Variants in WDHD1 observed in about 807,000 individuals in gnomAD.
WDHD1 encodes the protein WD repeat and HMG-box DNA binding protein 1, also known as WD repeat and HMG-box DNA-binding protein 1.
A neutral mutation model predicts 135.4 loss-of-function variants in WDHD1; 111 were observed. The observed-to-expected ratio is 0.82, with a 90% confidence interval of 0.70 to 0.96. The LOEUF (loss-of-function observed/expected upper bound fraction) is 0.96, where lower values mean the gene tolerates loss of function less well. Among genes scored for constraint, WDHD1 ranks in the 40% least tolerant of loss-of-function variants. The pLI, the probability that WDHD1 is intolerant of heterozygous loss-of-function variation, is 0.00. For synonymous variants in WDHD1, 434 were observed against 439.0 expected (o/e 0.99, Z 0.14); for missense variants, 1,351 against 1,336.3 (o/e 1.01, Z -0.17).
At chr14:55,006,671 A>G (rs2042075355) in intron 7 of WDHD1, among the ~76,000 whole-genome samples, 1 of 152,184 alleles carries the variant, frequency 6.6e-6, no homozygotes, top group Admixed American at 6.5e-5. Context: ...GTTAGGTACT[A>G]ATGGTGAGAA....
intron 11 of WDHD1, among the ~76,000 whole-genome samples, chr14:54,992,947 T>C (rs866991523): frequency 1.3e-5 from 2 of 151,854 alleles, no homozygotes; most frequent in Non-Finnish European, 2.9e-5. Context: ...AAACAACATA[T>C]AATTAATTAA....
At position 55,008,652 on chromosome 14, in the gene WDHD1, C is replaced by A. The variant is rs1235017285; in HGVS notation, c.409G>T (p.Ala137Ser). The A allele has an allele frequency of 6.2e-7, 1 of 1,613,134 alleles. No individual in the cohort carries two copies. The highest frequency in any genetic ancestry group is 8.5e-7 in the Non-Finnish European group (1 of 1,179,782). Residue 137 changes from alanine (A) to serine (S), a missense_variant, in exon 5 of 26, where the codon GCC becomes TCC. By Grantham distance (99) the Ala-to-Ser change is moderately conservative (BLOSUM62 1). Coordinates refer to ENST00000360586, the MANE Select transcript of WDHD1 (RefSeq NM_007086.4). ...TCAAAGGAAAGACTTAAAACAGGGG[C>A]ATCATGTCCTCGAAATGTTTTCTGT... ...SQQKTFRGHD[A>S]PVLSLSFDPK...
chr14:54,989,332 G>T, intron 12 of WDHD1, 120 bp from the exon 13 acceptor site: 1 of 695,660 alleles, frequency 1.4e-6, no homozygotes, highest in Non-Finnish European at 2.2e-6. Context: ...TTTAGGTTTT[G>T]GGAGTTACTA....
chr14:54,967,423 A>G, intron 16 of WDHD1, 29 bp from the exon 17 acceptor site: 1 of 1,527,288 alleles, frequency 6.5e-7, no homozygotes, highest in Non-Finnish European at 8.9e-7. Context: ...TCCATCATAA[A>G]AATTTACTAA....
chr14:55,018,562 TA>T (rs142084141), intron 2 of WDHD1, among the ~76,000 whole-genome samples: 1 of 152,158 alleles, frequency 6.6e-6, no homozygotes, highest in Non-Finnish European at 1.5e-5. Flanking sequence ...ATTTTGTCCT[TA>T]AAAACAGTGA....
At chr14:54,950,010 G>T (rs1566705071) in intron 24 of WDHD1, among the ~76,000 whole-genome samples, 1 of 152,012 alleles carries the variant, frequency 6.6e-6, no homozygotes, top group Non-Finnish European at 1.5e-5. Flanking sequence ...ACATGGAAAG[G>T]AACAACCGGT....
intron 2 of WDHD1, among the ~76,000 whole-genome samples, chr14:55,014,334 C>A (rs995318128): frequency 6.6e-6 from 1 of 152,182 alleles, no homozygotes; most frequent in African/African-American, 2.4e-5. Context: ...AAGGGATCTG[C>A]CTGTCTTGAC....
rs775242426 is a variant in WDHD1, at chr14:54,957,648, A to G, written c.2702-13T>C. ...AAGGTAACTGCACCTTTCACAAAAA[A>G]GAAACCCTTGCTTAATAATGGTAGA... On this transcript the variant is annotated splice_polypyrimidine_tract_variant and intron_variant, in intron 21 of 25. Transcript: ENST00000360586. 6.2e-7 allele frequency: 1 copy of G among 1,603,734 alleles called. No individual in the cohort carries two copies. Among genetic ancestry groups the G allele is most frequent in the Non-Finnish European group, 8.5e-7 (1 of 1,176,880 alleles).
intron 2 of WDHD1, among the ~76,000 whole-genome samples, chr14:55,017,840 T>C (rs916024816): frequency 2.6e-5 from 4 of 151,752 alleles, no homozygotes; most frequent in Middle Eastern, 3.4e-3. Flanking sequence ...AAAACATGTT[T>C]TGTTTCTGTT....
At chr14:55,005,849 T>C (rs915726642) in intron 7 of WDHD1, among the ~76,000 whole-genome samples, 4 of 152,164 alleles carry the variant, frequency 2.6e-5, no homozygotes, top group Non-Finnish European at 5.9e-5. Context: ...CTTTTTTTTT[T>C]CCTTAGAGCC....
chr14:55,012,499 T>C (rs1406595247), intron 3 of WDHD1, among the ~76,000 whole-genome samples: 1 of 152,250 alleles, frequency 6.6e-6, no homozygotes, highest in African/African-American at 2.4e-5. Context: ...TGAATATATA[T>C]TGGGAAAGTT....
intron 5 of WDHD1, 45 bp downstream of exon 5, chr14:55,008,563 A>T (rs1180979809): frequency 6.5e-7 from 1 of 1,535,276 alleles, no homozygotes; most frequent in Non-Finnish European, 8.8e-7. Context: ...TATATTTTTA[A>T]ACATATTCAG....
At chr14:55,023,195 C>T (rs1048300840) in intron 2 of WDHD1, among the ~76,000 whole-genome samples, 5 of 152,300 alleles carry the variant, frequency 3.3e-5, no homozygotes, top group African/African-American at 1.2e-4. Context: ...AGCTTTAGAT[C>T]CTTCACCTAC....
rs1285815735 is a variant in WDHD1 at position 54,941,505 on chromosome 14, T to G, written c.3375A>C (p.Ala1125=). Residue 1125 remains alanine, a synonymous_variant, in exon 26 of 26, where the codon GCA becomes GCC. Coordinates refer to ENST00000360586, the MANE Select transcript of WDHD1 (RefSeq NM_007086.4). ...FSTNQKLSAF[A]FKQE is the part of the protein sequence containing the mutation. ...CTTTCTTCCTTTACTCCTGCTTAAA[T>G]GCAAAAGCTGATAGTTTCTGATTTG... The G allele has an allele frequency of 1.2e-6, 2 of 1,611,306 alleles. No homozygotes were observed. The highest frequency in any genetic ancestry group is 1.7e-6 in the Non-Finnish European group (2 of 1,179,526).
At chr14:54,947,515 T>C (rs776715227) in intron 24 of WDHD1, among the ~76,000 whole-genome samples, 2 of 152,204 alleles carry the variant, frequency 1.3e-5, no homozygotes, top group Admixed American at 6.5e-5. Context: ...TATACTTTAT[T>C]ATTATTTTTC....
Position 54,955,671 on chromosome 14 carries a change from C to T in WDHD1, c.2940G>A (p.Gln980=). ...PKQASAASYF[Q]KRNSQTNKTE... is the part of the protein sequence containing the mutation. The stretch of plus-strand genomic sequence containing the variant: ...TTTTATTAGTTTGAGAATTTCTTTT[C>T]TGGAAATAGGATGCTGCAGATGCCT... The change falls in exon 24 of 26, where the codon CAG becomes CAA. Residue 980 remains glutamine, a synonymous_variant. Transcript: ENST00000360586. The T allele has an allele frequency of 1.3e-6, 2 of 1,580,654 alleles. No individual in the cohort carries two copies. The highest frequency in any genetic ancestry group is 1.4e-5 in the African/African-American group (1 of 72,726).
intron 16 of WDHD1, among the ~76,000 whole-genome samples, chr14:54,978,944 A>G (rs1359459576): frequency 6.6e-6 from 1 of 152,104 alleles, no homozygotes; most frequent in African/African-American, 2.4e-5. Flanking sequence ...CTATTTTCCT[A>G]TTTTAGACAG....
intron 16 of WDHD1, among the ~76,000 whole-genome samples, chr14:54,971,518 T>G (rs1370514831): frequency 6.6e-6 from 1 of 152,054 alleles, no homozygotes; most frequent in Non-Finnish European, 1.5e-5. Context: ...AGGATATATC[T>G]AACCAAGGAG....
chr14:54,987,431 T>C (rs1477458660), intron 13 of WDHD1, 44 bp from the exon 14 acceptor site: 3 of 1,466,186 alleles, frequency 2.0e-6, no homozygotes, highest in South Asian at 1.2e-5. Flanking sequence ...TTTCATATGA[T>C]ATTTACATAT....
Sources: gnomAD v4.1 joint callset for allele counts (sites outside exome capture counted in the v4.1 genomes callset) on GRCh38, gnomAD v4.1.1 for gene constraint, MANE v1.5 for transcripts, NCBI Gene and HGNC (gene_info 2026-07-23, HGNC 2026-07-21) for gene names.